The following SYNE1 variants were observed in gnomAD, a reference collection of about 807,000 sequenced individuals.
SYNE1 encodes the protein spectrin repeat containing nuclear envelope protein 1, also known as nesprin-1.
In SYNE1, 616 loss-of-function variants were observed where a neutral mutation model predicts 1,111.0. The observed-to-expected ratio is 0.55, with a 90% CI of 0.52 to 0.59. The LOEUF is 0.59. Among genes scored for constraint, SYNE1 ranks in the 20% least tolerant of loss-of-function variants. The probability of loss-of-function intolerance (pLI) is 0.00; values close to 1 mark genes in which losing one functional copy is unlikely to be tolerated. For missense variants in SYNE1, 10,006 were observed against 10,417.0 expected (o/e 0.96, Z 1.72); for synonymous variants, 3,855 against 3,825.8 (o/e 1.01, Z -0.28).
chr6:152,306,138 T>C (rs2095364794), intron 91 of SYNE1, among the ~76,000 whole-genome samples: 1 of 152,146 alleles, frequency 6.6e-6, no homozygotes, highest in African/African-American at 2.4e-5. Flanking sequence ...GCTCAGGAAG[T>C]CATTTTTTCT....
chr6:152,310,251 G>T, intron 89 of SYNE1, 145 bp downstream of exon 89: 2 of 1,280,578 alleles, frequency 1.6e-6, no homozygotes, highest in Non-Finnish European at 2.2e-6. Flanking sequence ...AGACCAGCCT[G>T]GCCAACATAG....
intron 124 of SYNE1, among the ~76,000 whole-genome samples, chr6:152,209,385 A>C (rs1451042781): frequency 6.6e-6 from 1 of 152,204 alleles, no homozygotes; most frequent in Non-Finnish European, 1.5e-5. Context: ...TCAACAAAAC[A>C]AGTATTAAAA....
chr6:152,382,856 T>C (rs868640386), intron 55 of SYNE1, among the ~76,000 whole-genome samples: 3 of 152,238 alleles, frequency 2.0e-5, no homozygotes, highest in African/African-American at 7.2e-5. Context: ...AGAATTTGAA[T>C]AAGGACATCA....
At chr6:152,635,199 G>T (rs993446607) in intron 2 of SYNE1, among the ~76,000 whole-genome samples, 3 of 152,188 alleles carry the variant, frequency 2.0e-5, no homozygotes, top group African/African-American at 7.2e-5. Context: ...TCTTAAATGA[G>T]GTCAATGAGG....
At chr6:152,278,542 A>G (rs926294073) in intron 97 of SYNE1, among the ~76,000 whole-genome samples, 1 of 151,728 alleles carries the variant, frequency 6.6e-6, no homozygotes, top group Admixed American at 6.6e-5. Context: ...GACTCACTGC[A>G]AGCTCCGCCT....
At chr6:152,201,306 T>G (rs925145180) in intron 127 of SYNE1, among the ~76,000 whole-genome samples, 2 of 152,162 alleles carry the variant, frequency 1.3e-5, no homozygotes, top group Non-Finnish European at 2.9e-5. Context: ...ATTTGAAGTG[T>G]TGATCATAAT....
At chr6:152,536,433 AAC>A (rs1476209164) in intron 4 of SYNE1, among the ~76,000 whole-genome samples, 2 of 128,478 alleles carry the variant, frequency 1.6e-5, no homozygotes, top group African/African-American at 6.1e-5. Context: ...TTATATATAT[AAC>A]TATATATAGT....
chr6:152,171,055 C>T (rs1169068867), intron 130 of SYNE1, among the ~76,000 whole-genome samples: 2 of 152,208 alleles, frequency 1.3e-5, no homozygotes, highest in Non-Finnish European at 2.9e-5. Context: ...AATTGTGAGG[C>T]CTCCCCAGCC....
intron 11 of SYNE1, among the ~76,000 whole-genome samples, chr6:152,492,380 T>C (rs1251282550): frequency 1.3e-5 from 2 of 152,222 alleles, no homozygotes; most frequent in African/African-American, 2.4e-5. Flanking sequence ...TTGCCTCCAC[T>C]GTGAGAGAAA....
At chr6:152,533,081 T>C (rs1002857894) in intron 4 of SYNE1, among the ~76,000 whole-genome samples, 4 of 152,188 alleles carry the variant, frequency 2.6e-5, no homozygotes, top group Non-Finnish European at 4.4e-5. Context: ...ACAGGTTTTG[T>C]CATTTTATTC....
intron 3 of SYNE1, among the ~76,000 whole-genome samples, chr6:152,552,032 T>C (rs1353778822): frequency 2.0e-5 from 3 of 152,230 alleles, no homozygotes; most frequent in Non-Finnish European, 2.9e-5. Flanking sequence ...AAAAATGTCC[T>C]GAAATACTAC....
At chr6:152,308,807 T>C (rs2095459345) in intron 90 of SYNE1, among the ~76,000 whole-genome samples, 175 bp from the exon 91 acceptor site, 1 of 152,224 alleles carries the variant, frequency 6.6e-6, no homozygotes, top group Non-Finnish European at 1.5e-5. Context: ...TTCAGAACTT[T>C]CTCTCTAAAA....
chr6:152,273,266 T>C (rs1183173727), intron 98 of SYNE1, among the ~76,000 whole-genome samples: 1 of 152,208 alleles, frequency 6.6e-6, no homozygotes, highest in African/African-American at 2.4e-5. Flanking sequence ...GCCCGCTAAG[T>C]CTCAAGCCTG....
chr6:152,137,217 G>C (rs1363969285), intron 140 of SYNE1, among the ~76,000 whole-genome samples: 1 of 152,174 alleles, frequency 6.6e-6, no homozygotes, highest in East Asian at 1.9e-4. Flanking sequence ...GCCAGGGTAG[G>C]GGGTGCAGGG....
rs139755975 is a variant in SYNE1 at position 152,461,632 on chromosome 6, C to A, written c.2359G>T (p.Ala787Ser). The change falls in exon 21 of 146, where the codon GCG becomes TCG. Residue 787 changes from alanine to serine, a missense_variant. Around this residue, in one of 7 missense-constraint regions of SYNE1, gnomAD observed 1,971 missense variants for 2,084.1 expected, o/e 0.95. Coordinates refer to ENST00000367255, the MANE Select transcript of SYNE1 (RefSeq NM_182961.4). ...TGCTCTTTGAGCTTTGACATGGTCG[C>A]AAACATTTCTTTTCCTTCTTCTTGG... ...SPQEEGKEMF[A>S]TMSKLKEQLT... 6.2e-7 allele frequency: 1 copy of A among 1,613,960 alleles called. No individual in the cohort carries two copies. The highest frequency in any genetic ancestry group is 1.1e-5 in the South Asian group (1 of 91,068).
intron 82 of SYNE1, 92 bp from the exon 83 acceptor site, chr6:152,321,978 G>C: frequency 7.2e-7 from 1 of 1,382,680 alleles, no homozygotes; most frequent in African/African-American, 1.4e-5. Flanking sequence ...TATAGAAATG[G>C]GAAACCTAGT....
At chr6:152,451,276 C>CAAA in intron 25 of SYNE1, 71 bp from the exon 26 acceptor site, 7 of 1,263,162 alleles carry the variant, frequency 5.5e-6, no homozygotes, top group South Asian at 1.3e-5. Context: ...ATTGAAGTGG[C>CAAA]AAAAAAAAAA....
chr6:152,365,072 G>T, intron 62 of SYNE1, 53 bp from the exon 63 acceptor site: 2 of 1,601,324 alleles, frequency 1.2e-6, no homozygotes. Flanking sequence ...AACATTGCTG[G>T]CTTTAAATAT....
chr6:152,166,417 A>G (rs1375985201), intron 130 of SYNE1, among the ~76,000 whole-genome samples: 2 of 152,250 alleles, frequency 1.3e-5, no homozygotes, highest in African/African-American at 4.8e-5. Context: ...TTTTACTTCT[A>G]GATTCAACAT....
Sources: allele counts gnomAD v4.1 joint callset (sites outside exome capture counted in the v4.1 genomes callset), GRCh38; gene constraint gnomAD v4.1.1; regional missense constraint gnomAD v4.1.1; transcripts MANE v1.5; gene names NCBI Gene and HGNC (gene_info 2026-07-23, HGNC 2026-07-21).